Variants in TSHZ1 observed in about 807,000 individuals in gnomAD.
The protein encoded by TSHZ1 is teashirt homolog 1.
In TSHZ1, 12 loss-of-function variants were observed where a neutral mutation model predicts 67.1. The ratio of observed to expected loss-of-function variants is 0.18; its 90% confidence interval spans 0.11 to 0.29. The LOEUF is 0.29. Ranked by LOEUF, TSHZ1 falls within the 10% of genes least tolerant of loss-of-function variation. The probability of loss-of-function intolerance (pLI) is 1.00; values close to 1 mark genes in which losing one functional copy is unlikely to be tolerated. For missense variants in TSHZ1, 1,305 were observed against 1,413.9 expected (o/e 0.92, Z 1.23); for synonymous variants, 632 against 622.4 (o/e 1.02, Z -0.23).
chr18:75,253,184 T>A (rs62089816), intron 1 of TSHZ1, among the ~76,000 whole-genome samples: 1,889 of 152,364 alleles, frequency 0.012, 16 homozygotes, highest in Non-Finnish European at 0.021. Flanking sequence ...GACTTTTCTG[T>A]TATATTTTAA....
Position 75,288,002 on chromosome 18 carries a change from C to T in TSHZ1, c.2595C>T (p.Ser865=), listed in dbSNP as rs748243048. ...CGCCCTCCACAGTTTCAGAGAAGTC[C>T]GATGCTGATGGCAGCAGCTTTGAGG... ...SSTPSTVSEK[S]DADGSSFEEA... is the part of the protein sequence containing the mutation. The change falls in exon 2 of 2, where the codon TCC becomes TCT. Residue 865 remains serine (S), a synonymous_variant. Coordinates refer to ENST00000580243, the MANE Select transcript of TSHZ1 (RefSeq NM_001308210.2). The surrounding 1 kb of genome is among the most constrained non-coding windows in gnomAD (Gnocchi z 4.9). The T allele has an allele frequency of 2.0e-5, 33 of 1,614,054 alleles. No homozygotes were observed. The highest frequency in any genetic ancestry group is 2.8e-5 in the Non-Finnish European group (33 of 1,180,048).
intron 1 of TSHZ1, among the ~76,000 whole-genome samples, chr18:75,233,564 G>A (rs569479623): frequency 3.5e-4 from 54 of 152,286 alleles, no homozygotes; most frequent in African/African-American, 1.3e-3. Context: ...ATGGTTTCTT[G>A]TTTTATTTTA....
chr18:75,287,132 C>A lies in TSHZ1; in HGVS notation c.1725C>A (p.Gly575=). The A allele has an allele frequency of 6.2e-7, 1 of 1,614,102 alleles. No individual in the cohort carries two copies. Among genetic ancestry groups the A allele is most frequent in the South Asian group, 1.1e-5 (1 of 91,084 alleles). Residue 575 remains glycine (G), a synonymous_variant, in exon 2 of 2, where the codon GGC becomes GGA. Transcript: ENST00000580243. The surrounding 1 kb of genome is among the most constrained non-coding windows in gnomAD (Gnocchi z 5.0). The stretch of plus-strand genomic sequence containing the variant: ...AGAATGGTGCGCCCTCATGGGGTGG[C>A]TACCCCAGCATCCATGCAGCCTACC... ...KAQNGAPSWG[G]YPSIHAAYQL... is the part of the protein sequence containing the mutation.
In TSHZ1 at chr18:75,287,732, C is replaced by T. The variant is rs2023798793; in HGVS notation, c.2325C>T (p.Tyr775=). 6.2e-7 allele frequency: 1 copy of T among 1,614,136 alleles called. No individual in the cohort carries two copies. The highest frequency in any genetic ancestry group is 8.5e-7 in the Non-Finnish European group (1 of 1,180,048). The stretch of plus-strand genomic sequence containing the variant: ...CGCTGGACCCGCTGGCGATGCTGTA[C>T]AAGATCAGCAACAGCATGCTGGACA... ...SPSLDPLAML[Y]KISNSMLDKP... is the part of the protein sequence containing the mutation. Residue 775 remains tyrosine (Y), a synonymous_variant, in exon 2 of 2, where the codon TAC becomes TAT. Transcript: ENST00000580243. This position sits in a 1 kb window ranked among gnomAD's most constrained non-coding sequence, Gnocchi z 5.0.
chr18:75,216,481 A>G (rs1031685060), intron 1 of TSHZ1, among the ~76,000 whole-genome samples: 1 of 152,162 alleles, frequency 6.6e-6, no homozygotes, highest in East Asian at 1.9e-4. Flanking sequence ...TGTATTGGGG[A>G]GGGGAATACA....
chr18:75,258,981 C>G (rs1445334441), intron 1 of TSHZ1, among the ~76,000 whole-genome samples: 2 of 152,122 alleles, frequency 1.3e-5, no homozygotes, highest in African/African-American at 4.8e-5. Flanking sequence ...AAGAAAAGGT[C>G]AAAGAAGGTC....
In TSHZ1 at chr18:75,286,721, C is replaced by T. The variant is rs73484103; in HGVS notation, c.1314C>T (p.Thr438=). Residue 438 remains threonine, a synonymous_variant, in exon 2 of 2, where the codon ACC becomes ACT. Transcript: ENST00000580243. The surrounding 1 kb of genome is among the most constrained non-coding windows in gnomAD (Gnocchi z 5.1). ...AGCTCACCGCCCACATGATGGTCACCGGGCACTTCCTGAAAGTGACCACCT... is the reference window on the plus strand; with the variant it reads ...AGCTCACCGCCCACATGATGGTCACTGGGCACTTCCTGAAAGTGACCACCT... The part of the protein sequence containing the change: ...LQQLTAHMMV[T]GHFLKVTTSA... 1.7e-3 allele frequency: 2,784 copies of T among 1,613,802 alleles called. 43 individuals carry two copies. In the African/African-American group the frequency reaches 0.031, roughly 18 times the overall value.
At chr18:75,231,697 G>A (rs2023001127) in intron 1 of TSHZ1, among the ~76,000 whole-genome samples, 2 of 151,836 alleles carry the variant, frequency 1.3e-5, no homozygotes, top group Middle Eastern at 6.8e-3. Flanking sequence ...ACCACACCCG[G>A]CTAATTTTTG....
At chr18:75,249,401 G>A (rs185086960) in intron 1 of TSHZ1, among the ~76,000 whole-genome samples, 141 of 149,904 alleles carry the variant, frequency 9.4e-4, no homozygotes, top group African/African-American at 3.3e-3. Context: ...AGTAGGTGGC[G>A]CAGGGTGCAG....
At chr18:75,219,548 G>T (rs2022818431) in intron 1 of TSHZ1, among the ~76,000 whole-genome samples, 1 of 152,146 alleles carries the variant, frequency 6.6e-6, no homozygotes. Context: ...GTAGTTCAGG[G>T]TTTTTTTCTT....
chr18:75,240,490 C>T (rs28634494), intron 1 of TSHZ1, among the ~76,000 whole-genome samples: 7,572 of 152,032 alleles, frequency 0.05, 323 homozygotes, highest in African/African-American at 0.12. Context: ...GCTTGTGTGC[C>T]GCGTCCTGCA....
rs1402391256 is a variant in TSHZ1 at position 75,281,657 on chromosome 18, G to A, written c.41-3791G>A. On this transcript the variant is annotated intron_variant, in intron 1 of 1. Transcript: ENST00000580243. The surrounding 1 kb of genome is among the most constrained non-coding windows in gnomAD (Gnocchi z 5.3). Reference sequence around the variant, plus strand: ...CAGAGAGAGGCTGCAGTAAGAACGGGCAAGAGCAGGAGGCAGACCTGGGGA... The same window carrying A: ...CAGAGAGAGGCTGCAGTAAGAACGGACAAGAGCAGGAGGCAGACCTGGGGA... 7.2e-5 allele frequency among the ~76,000 whole-genome samples: 11 copies of A among 152,150 alleles called. No homozygotes were observed. The highest frequency in any genetic ancestry group is 1.5e-4 in the Non-Finnish European group (10 of 68,022).
chr18:75,222,478 C>G (rs1189649311), intron 1 of TSHZ1, among the ~76,000 whole-genome samples: 1 of 151,410 alleles, frequency 6.6e-6, no homozygotes, highest in East Asian at 1.9e-4. Context: ...CCTTTTTTTT[C>G]TCAACTCCTC....
In TSHZ1 at chr18:75,232,984, G is replaced by T. The variant is rs7227132; in HGVS notation, c.40+21068G>T. On this transcript the variant is annotated intron_variant, in intron 1 of 1. Coordinates refer to ENST00000580243, the MANE Select transcript of TSHZ1 (RefSeq NM_001308210.2). ...GGCTGCCTGTGGTGAAGGGACTGGG[G>T]GTCTGTATTGGTGCACAGCCCATTT... is the stretch of plus-strand genomic sequence containing the variant. Among the ~76,000 whole-genome samples the T allele has an allele frequency of 2.1e-3, 323 of 152,272 alleles. 3 individuals are homozygous for T. The highest frequency in any genetic ancestry group is 7.3e-3 in the African/African-American group (303 of 41,542).
chr18:75,285,597 G>C lies in TSHZ1; in HGVS notation c.190G>C (p.Val64Leu). Residue 64 changes from valine to leucine, a missense_variant, in exon 2 of 2, where the codon GTC (valine) becomes CTC (leucine). Physicochemically the swap from Val to Leu is conservative, Grantham distance 32 (BLOSUM62 1). Coordinates refer to ENST00000580243, the MANE Select transcript of TSHZ1 (RefSeq NM_001308210.2). ...KEAQSYQNSP[V>L]SSATNQDAGY... is the part of the protein sequence containing the mutation. ...GGCGCAGAGCTACCAGAACTCCCCA[G>C]TCAGCTCTGCGACTAACCAGGACGC... is the stretch of plus-strand genomic sequence containing the variant. The C allele has an allele frequency of 6.2e-7, 1 of 1,609,618 alleles. No homozygotes were observed. Among genetic ancestry groups the C allele is most frequent in the Non-Finnish European group, 8.5e-7 (1 of 1,176,688 alleles).
At chr18:75,250,731 C>T (rs978239268) in intron 1 of TSHZ1, among the ~76,000 whole-genome samples, 2 of 152,208 alleles carry the variant, frequency 1.3e-5, no homozygotes, top group Admixed American at 6.5e-5. Flanking sequence ...CTTTACCGTC[C>T]GGATGGGTCT....
At chr18:75,259,761 A>G (rs890236532) in intron 1 of TSHZ1, among the ~76,000 whole-genome samples, 2 of 152,220 alleles carry the variant, frequency 1.3e-5, no homozygotes, top group African/African-American at 2.4e-5. Flanking sequence ...ATCCCCTGCA[A>G]CTAAGGGGAT....
intron 1 of TSHZ1, among the ~76,000 whole-genome samples, chr18:75,212,195 G>T (rs1033120057): frequency 2.6e-5 from 4 of 152,222 alleles, no homozygotes; most frequent in African/African-American, 9.6e-5. Context: ...CGGGACGGCG[G>T]GTGCTTCTGG....
intron 1 of TSHZ1, among the ~76,000 whole-genome samples, chr18:75,223,318 A>AT (rs1296033993): frequency 3.3e-5 from 5 of 152,156 alleles, no homozygotes; most frequent in Admixed American, 6.5e-5. Flanking sequence ...TATAGGGAAG[A>AT]TTTTTTTAGT....
Sources: allele counts gnomAD v4.1 joint callset (sites outside exome capture counted in the v4.1 genomes callset), GRCh38; gene constraint gnomAD v4.1.1; non-coding constraint Gnocchi (gnomAD v3.1); transcripts MANE v1.5; gene names NCBI Gene and HGNC (gene_info 2026-07-23, HGNC 2026-07-21).